The following ADGRL2 variants were observed in gnomAD, a reference collection of about 807,000 sequenced individuals.
ADGRL2 encodes calcium-independent alpha-latrotoxin receptor 2.
ADGRL2 carries 44 observed loss-of-function variants against 157.4 expected under a neutral mutation model. The observed-to-expected ratio is 0.28, with a 90% CI of 0.22 to 0.36. ADGRL2 has a LOEUF of 0.36. Ranked by LOEUF, ADGRL2 falls within the 10% of genes least tolerant of loss-of-function variation. The pLI is 1.00. For missense variants in ADGRL2, 1,510 were observed against 1,768.9 expected (o/e 0.85, Z 2.63); for synonymous variants, 585 against 624.7 (o/e 0.94, Z 0.95).
chr1:81,438,492 C>T (rs540813024), intron 1 of ADGRL2, among the ~76,000 whole-genome samples: 9 of 152,258 alleles, frequency 5.9e-5, no homozygotes, highest in East Asian at 5.8e-4. Context: ...ACAATATAGA[C>T]TATCTCTTCC....
chr1:81,702,347 A>G lies in ADGRL2; in HGVS notation c.-143+2539A>G, dbSNP rs17106955. On this transcript the variant is annotated intron_variant, in intron 1 of 20. Transcript: ENST00000359929. ...CCCCTTCTTTCTAAAAACTCTGCCA[A>G]TGTACATGTACAAAGATGGAAGGTG... 7.6e-3 allele frequency among the ~76,000 whole-genome samples: 1,156 copies of G among 152,316 alleles called. 14 individuals are homozygous for G. The highest frequency in any genetic ancestry group is 0.026 in the African/African-American group (1,100 of 41,574).
chr1:81,470,967 G>T (rs2078158400), intron 2 of ADGRL2, among the ~76,000 whole-genome samples: 2 of 152,170 alleles, frequency 1.3e-5, no homozygotes, highest in Admixed American at 1.3e-4. Context: ...AATCCTGACT[G>T]CAGTTTTGCT....
chr1:81,838,073 T>A (rs2092373286), intron 2 of ADGRL2, among the ~76,000 whole-genome samples: 1 of 152,130 alleles, frequency 6.6e-6, no homozygotes, highest in African/African-American at 2.4e-5. Flanking sequence ...TTATACCGAT[T>A]ATTAAAATGA....
At chr1:81,700,593 G>A (rs1412014786) in intron 1 of ADGRL2, among the ~76,000 whole-genome samples, 1 of 152,174 alleles carries the variant, frequency 6.6e-6, no homozygotes, top group Admixed American at 6.5e-5. Context: ...CTAATCAAGT[G>A]CGTGGTGTCA....
At chr1:81,895,658 G>A (rs190944279) in intron 2 of ADGRL2, among the ~76,000 whole-genome samples, 1,553 of 152,210 alleles carry the variant, frequency 0.01, 28 homozygotes, top group African/African-American at 0.035. Context: ...GCCTCCCAAA[G>A]TGCTGGGATT....
intron 11 of ADGRL2, among the ~76,000 whole-genome samples, chr1:81,964,850 T>C (rs1462577411): frequency 6.6e-6 from 1 of 152,086 alleles, no homozygotes; most frequent in Admixed American, 6.6e-5. Flanking sequence ...TTAATGAATT[T>C]TTCATATAAT....
chr1:81,989,814 G>T, intron 23 of ADGRL2: 12 of 1,473,898 alleles, frequency 8.1e-6, no homozygotes, highest in Non-Finnish European at 1.1e-5. Context: ...TGACTTCTTT[G>T]TATCTGTCCA....
Position 81,951,982 on chromosome 1 carries a change from G to A in ADGRL2, c.1634G>A (p.Ser545Asn), listed in dbSNP as rs1446128752. 2 of 1,608,612 alleles carry A rather than the reference G, an allele frequency of 1.2e-6. No individual in the cohort carries two copies. The highest frequency in any genetic ancestry group is 1.7e-5 in the Admixed American group (1 of 59,384). The change falls in exon 9 of 24, where the codon AGT (serine) becomes AAT (asparagine). Residue 545 changes from serine to asparagine, a missense_variant. Ser to Asn is a conservative substitution (Grantham distance 46, BLOSUM62 1). Coordinates refer to ENST00000686636, the MANE Select transcript of ADGRL2 (RefSeq NM_001366006.2). ...ATCAGAAGCGGAGAAAATGCTGCTA[G>A]TCTTGCCAATGAACTGGCTAAACAT... ...QKIRSGENAA[S>N]LANELAKHTK...
intron 2 of ADGRL2, among the ~76,000 whole-genome samples, chr1:81,494,800 T>C (rs527566707): frequency 6.6e-6 from 1 of 152,190 alleles, no homozygotes; most frequent in African/African-American, 2.4e-5. Flanking sequence ...TTTTTGGAAA[T>C]GTCTGTGCTA....
At chr1:81,890,694 T>G (rs747520772) in intron 2 of ADGRL2, among the ~76,000 whole-genome samples, 8 of 150,752 alleles carry the variant, frequency 5.3e-5, no homozygotes, top group Non-Finnish European at 5.9e-5. Context: ...GTATCTTAGC[T>G]GTGATAAGGG....
chr1:81,675,398 T>C (rs1208924660), intron 3 of ADGRL2, among the ~76,000 whole-genome samples: 1 of 152,228 alleles, frequency 6.6e-6, no homozygotes, highest in East Asian at 1.9e-4. Context: ...TCTACTCATG[T>C]ATGAGGCCTT....
chr1:81,633,317 C>T (rs759690136), intron 3 of ADGRL2, among the ~76,000 whole-genome samples: 14 of 151,952 alleles, frequency 9.2e-5, no homozygotes, highest in Non-Finnish European at 1.8e-4. Context: ...ACATGCTGGG[C>T]GGGCGCAGTG....
intron 1 of ADGRL2, among the ~76,000 whole-genome samples, chr1:81,414,633 C>T (rs1011247234): frequency 3.3e-5 from 5 of 152,120 alleles, no homozygotes; most frequent in African/African-American, 1.2e-4. Context: ...TCCATGTGAA[C>T]GATCTCCGAA....
chr1:81,662,730 T>C lies in ADGRL2; in HGVS notation c.-143+81750T>C, dbSNP rs1490751015. ...CCACAGTGCCCGGCTAATTTTTTTG[T>C]ATTTTTAGTAGAGACGGGGTTTCAC... On this transcript the variant is annotated intron_variant, in intron 3 of 24. Coordinates refer to the ADGRL2 transcript ENST00000370721. Among the ~76,000 whole-genome samples, 8 of 151,804 alleles carry C rather than the reference T, an allele frequency of 5.3e-5. No individual in the cohort carries two copies. The East Asian group carries it at 1.4e-3, about 26-fold the overall frequency.
Position 81,734,820 on chromosome 1 carries a change from G to A in ADGRL2, c.-142-26991G>A, listed in dbSNP as rs1208601668. Among the ~76,000 whole-genome samples, 2 of 148,508 alleles carry A rather than the reference G, an allele frequency of 1.3e-5. 1 individual carries two copies. Among genetic ancestry groups the A allele is most frequent in the East Asian group, 4.0e-4 (2 of 5,028 alleles). On this transcript the variant is annotated intron_variant, in intron 1 of 20. Coordinates refer to the ADGRL2 transcript ENST00000359929. ...AGGCCGAAGTGGATGAATCACCTGA[G>A]GTCGGGAGTTCAAGACCAGACTAAC... is the stretch of plus-strand genomic sequence containing the variant.
At position 81,568,574 on chromosome 1, in the gene ADGRL2, G is replaced by A. The variant is rs116795075; in HGVS notation, c.-247-12302G>A. On this transcript the variant is annotated intron_variant, in intron 2 of 24. Coordinates refer to the ADGRL2 transcript ENST00000370721. ...TAACCTGAATGAAAGCAATAAATTT[G>A]AAACAGGTTTAACTGATGATATTGG... Among the ~76,000 whole-genome samples the A allele has an allele frequency of 2.3e-3, 350 of 152,218 alleles. 3 individuals are homozygous for A. The highest frequency in any genetic ancestry group is 7.7e-3 in the African/African-American group (322 of 41,552).
chr1:81,615,897 G>A (rs1285559711), intron 3 of ADGRL2, among the ~76,000 whole-genome samples: 2 of 152,100 alleles, frequency 1.3e-5, no homozygotes, highest in Non-Finnish European at 2.9e-5. Flanking sequence ...ATCCAAAATG[G>A]CATCTCAGAG....
intron 2 of ADGRL2, among the ~76,000 whole-genome samples, chr1:81,873,682 G>T (rs1056273814): frequency 6.6e-5 from 10 of 152,050 alleles, no homozygotes; most frequent in African/African-American, 1.9e-4. Flanking sequence ...TGAAAACTTG[G>T]ATAGTATATT....
chr1:81,384,356 G>A (rs897588510), intron 1 of ADGRL2, among the ~76,000 whole-genome samples: 4 of 152,058 alleles, frequency 2.6e-5, no homozygotes, highest in Non-Finnish European at 4.4e-5. Flanking sequence ...TGCATTTGTG[G>A]GTGTGTGTGC....
Sources: allele counts gnomAD v4.1 joint callset (sites outside exome capture counted in the v4.1 genomes callset), GRCh38; gene constraint gnomAD v4.1.1; transcripts MANE v1.5; gene names NCBI Gene and HGNC (gene_info 2026-07-23, HGNC 2026-07-21).